CLPTM1L: variants seen among roughly 807,000 people sequenced by gnomAD.
CLPTM1L encodes the protein lipid scramblase CLPTM1L.
CLPTM1L carries 38 observed loss-of-function variants against 70.9 expected under a neutral mutation model. The ratio of observed to expected loss-of-function variants is 0.54; its 90% CI spans 0.41 to 0.70. The LOEUF is 0.70. Ranked by LOEUF, CLPTM1L falls within the 30% of genes least tolerant of loss-of-function variation. CLPTM1L has a pLI of 0.00. For synonymous variants in CLPTM1L, 339 were observed against 299.9 expected (o/e 1.13, Z -1.35); for missense variants, 652 against 705.9 (o/e 0.92, Z 0.87).
intron 15 of CLPTM1L, 124 bp from the exon 16 acceptor site, chr5:1,320,855 G>A: frequency 1.8e-6 from 1 of 565,724 alleles, no homozygotes; most frequent in Non-Finnish European, 3.2e-6. Context: ...ACTCCTCACA[G>A]CAACAACAAA....
intron 2 of CLPTM1L, among the ~76,000 whole-genome samples, chr5:1,343,404 C>A (rs1754072220): frequency 6.6e-6 from 1 of 152,196 alleles, no homozygotes; most frequent in South Asian, 2.1e-4. Flanking sequence ...CCCACTTCCT[C>A]CAGGCTGACA....
At chr5:1,326,419 C>T in intron 9 of CLPTM1L, 1 of 239,794 alleles carries the variant, frequency 4.2e-6, no homozygotes, top group South Asian at 4.8e-5. Context: ...CACATTTCAT[C>T]CAGCTCCTCC....
intron 3 of CLPTM1L, among the ~76,000 whole-genome samples, chr5:1,340,000 A>G (rs889654560): frequency 2.6e-5 from 4 of 152,276 alleles, no homozygotes; most frequent in Non-Finnish European, 4.4e-5. Context: ...GGCCACGCAC[A>G]GGCACAACCG....
Position 1,344,918 on chromosome 5 carries a change from G to A in CLPTM1L, c.-77C>T. The A allele has an allele frequency of 1.2e-6, 1 of 844,560 alleles. No homozygotes were observed. The highest frequency in any genetic ancestry group is 1.4e-6 in the Non-Finnish European group (1 of 706,806). The allele number at this position is 844,560 out of a possible 1,614,324, so 52.3% of individuals were successfully genotyped here. ...CCGCCCGCCCGGCGCCCAGCCCGCC[G>A]CTCCGGGCTCCGCCGCTCACTGGAG... On this transcript the variant is annotated 5_prime_UTR_variant, in exon 1 of 17. Coordinates refer to ENST00000320895, the MANE Select transcript of CLPTM1L (RefSeq NM_030782.5).
At chr5:1,322,991 C>A (rs996927211) in intron 12 of CLPTM1L, 80 bp from the exon 13 acceptor site, 3 of 1,394,260 alleles carry the variant, frequency 2.2e-6, no homozygotes, top group African/African-American at 1.4e-5. Flanking sequence ...ATAATTCTTT[C>A]ATTAAAAATC....
At chr5:1,321,489 G>A (rs1752150952) in intron 15 of CLPTM1L, 146 bp downstream of exon 15, 1 of 708,334 alleles carries the variant, frequency 1.4e-6, no homozygotes, top group Non-Finnish European at 2.5e-6. Context: ...TTTTTTTAAA[G>A]GAGCCTCCTC....
At chr5:1,329,008 G>A (rs1752886114) in intron 9 of CLPTM1L, among the ~76,000 whole-genome samples, 1 of 152,230 alleles carries the variant, frequency 6.6e-6, no homozygotes. Flanking sequence ...ATTGCATCCA[G>A]CTCCTCCTCT....
intron 9 of CLPTM1L, chr5:1,326,224 C>A: frequency 3.9e-6 from 1 of 253,252 alleles, no homozygotes; most frequent in Non-Finnish European, 7.6e-6. Flanking sequence ...GAGCTCAGGA[C>A]GGGTGCCAGA....
At chr5:1,330,568 T>C (rs1753021545) in intron 8 of CLPTM1L, 185 bp from the exon 9 acceptor site, 1 of 588,812 alleles carries the variant, frequency 1.7e-6, no homozygotes, top group East Asian at 2.8e-5. Context: ...GGAAAGTGTT[T>C]GGAAGGCTGC....
intron 9 of CLPTM1L, among the ~76,000 whole-genome samples, chr5:1,327,914 T>G (rs1193718293): frequency 3.2e-4 from 29 of 89,558 alleles, no homozygotes; most frequent in African/African-American, 1.1e-3. Flanking sequence ...GCTCCTCCTC[T>G]ACAGACACAT....
At position 1,329,017 on chromosome 5, in the gene CLPTM1L, C is replaced by CGACAGACACATTTCA. The variant is rs1561237876; in HGVS notation, c.1080+1262_1080+1263insTGAAATGTGTCTGTC. On this transcript the variant is annotated intron_variant, in intron 9 of 16. Transcript: ENST00000320895. ...AGAGACATTGCATCCAGCTCCTCCT[C>CGACAGACACATTTCA]TACAGGCATGACGGCCGCAGAGGCC... Among the ~76,000 whole-genome samples, 422 of 152,238 alleles carry CGACAGACACATTTCA rather than the reference C, an allele frequency of 2.8e-3. 5 individuals are homozygous for CGACAGACACATTTCA. Among genetic ancestry groups the CGACAGACACATTTCA allele is most frequent in the African/African-American group, 9.8e-3 (405 of 41,436 alleles).
At chr5:1,329,015 C>G (rs1752886731) in intron 9 of CLPTM1L, among the ~76,000 whole-genome samples, 1 of 152,294 alleles carries the variant, frequency 6.6e-6, no homozygotes, top group East Asian at 1.9e-4. Context: ...CCAGCTCCTC[C>G]TCTACAGGCA....
Position 1,325,822 on chromosome 5 carries a change from G to A in CLPTM1L, c.1081-6C>T, listed in dbSNP as rs1410359212. 2.5e-6 allele frequency: 4 copies of A among 1,613,268 alleles called. No individual in the cohort carries two copies. In the South Asian group the frequency reaches 3.3e-5, roughly 13 times the overall value. ...GCCTTCTTCACTTTCCACAGCTGAG[G>A]GGAGAAATCAGGAAATAGTTCCTTT... On this transcript the variant is annotated splice_region_variant and splice_polypyrimidine_tract_variant and intron_variant, in intron 9 of 16. Coordinates refer to ENST00000320895, the MANE Select transcript of CLPTM1L (RefSeq NM_030782.5).
intron 1 of CLPTM1L, 83 bp downstream of exon 1, chr5:1,344,597 C>G: frequency 2.7e-6 from 4 of 1,494,904 alleles, no homozygotes; most frequent in Non-Finnish European, 3.6e-6. Context: ...CAGCTCCGAA[C>G]TGGGACGGGA....
At chr5:1,320,787 T>C in intron 15 of CLPTM1L, 56 bp from the exon 16 acceptor site, 1 of 1,075,886 alleles carries the variant, frequency 9.3e-7, no homozygotes, top group Non-Finnish European at 1.3e-6. Context: ...GGAATCCTAC[T>C]GTTTTTGGTA....
At chr5:1,321,283 C>T (rs1365067646) in intron 15 of CLPTM1L, among the ~76,000 whole-genome samples, 1 of 152,286 alleles carries the variant, frequency 6.6e-6, no homozygotes, top group Non-Finnish European at 1.5e-5. Flanking sequence ...CCCATGGGGG[C>T]TTCCATTCCT....
intron 16 of CLPTM1L, among the ~76,000 whole-genome samples, chr5:1,319,343 G>A (rs963106474): frequency 2.8e-4 from 25 of 90,424 alleles, no homozygotes; most frequent in African/African-American, 1.1e-3. Flanking sequence ...GGGGCTGCAC[G>A]AGACAGCAAC....
Position 1,318,864 on chromosome 5 carries a change from G to A in CLPTM1L, c.1533-411C>T, listed in dbSNP as rs1751985858. Among the ~76,000 whole-genome samples, 1 of 152,212 alleles carries A rather than the reference G, an allele frequency of 6.6e-6. No homozygotes were observed. The highest frequency in any genetic ancestry group is 1.5e-5 in the Non-Finnish European group (1 of 68,036). On this transcript the variant is annotated intron_variant, in intron 16 of 16. Transcript: ENST00000320895. The surrounding 1 kb of genome is among the most constrained non-coding windows in gnomAD (Gnocchi z 8.9). The stretch of plus-strand genomic sequence containing the variant: ...GAACACTTGGCAGGACACTGCCGCC[G>A]CCTTTGATCCTGAGCGCCCCGGAGG...
At position 1,323,780 on chromosome 5, in the gene CLPTM1L, C is replaced by T. The variant is rs760981483; in HGVS notation, c.1280+7G>A. The T allele has an allele frequency of 1.2e-6, 2 of 1,609,448 alleles. No homozygotes were observed. Among genetic ancestry groups the T allele is most frequent in the Non-Finnish European group, 1.7e-6 (2 of 1,176,038 alleles). ...ACGCAGCAGGGGAAGCGTGTGCGGC[C>T]TCCTACCTCTTATATTTGATATTCA... On this transcript the variant is annotated splice_region_variant and intron_variant, in intron 12 of 16. Transcript: ENST00000320895.
Sources: allele counts gnomAD v4.1 joint callset (sites outside exome capture counted in the v4.1 genomes callset), GRCh38; gene constraint gnomAD v4.1.1; non-coding constraint Gnocchi (gnomAD v3.1); transcripts MANE v1.5; gene names NCBI Gene and HGNC (gene_info 2026-07-23, HGNC 2026-07-21).